Variants in CCDC178 observed in about 807,000 individuals in gnomAD.
CCDC178 encodes coiled-coil domain-containing protein 178.
CCDC178 carries 126 observed loss-of-function variants against 117.4 expected under a neutral mutation model. The ratio of observed to expected loss-of-function variants is 1.07; its 90% confidence interval spans 0.93 to 1.24. The LOEUF is 1.24. Ranked by LOEUF, CCDC178 falls within the 50% of genes most tolerant of loss-of-function variation. The pLI is 0.00. For missense variants in CCDC178, 1,030 were observed against 986.9 expected (o/e 1.04, Z -0.59); for synonymous variants, 283 against 313.4 (o/e 0.90, Z 1.02).
intron 15 of CCDC178, among the ~76,000 whole-genome samples, chr18:33,238,999 C>A (rs547767259): frequency 6.6e-6 from 1 of 151,978 alleles, no homozygotes; most frequent in South Asian, 2.1e-4. Context: ...AAAACCCCTG[C>A]CAGCCAAGAA....
intron 10 of CCDC178, among the ~76,000 whole-genome samples, chr18:33,327,748 T>G (rs1469853363): frequency 6.6e-6 from 1 of 152,136 alleles, no homozygotes; most frequent in Admixed American, 6.5e-5. Context: ...TTGTATGTCT[T>G]TCTGAAGATA....
At chr18:33,105,025 G>C (rs553027208) in intron 20 of CCDC178, among the ~76,000 whole-genome samples, 2 of 151,778 alleles carry the variant, frequency 1.3e-5, no homozygotes, top group South Asian at 4.1e-4. Flanking sequence ...CAGATACGAA[G>C]AGAAGTAGAG....
chr18:33,117,588 G>A (rs1181868450), intron 20 of CCDC178, among the ~76,000 whole-genome samples: 1 of 151,998 alleles, frequency 6.6e-6, no homozygotes, highest in Non-Finnish European at 1.5e-5. Context: ...GGGGAGCGGG[G>A]AGAGGGATAG....
chr18:33,243,795 G>A (rs1057277256), intron 15 of CCDC178, among the ~76,000 whole-genome samples: 1 of 151,792 alleles, frequency 6.6e-6, no homozygotes, highest in Non-Finnish European at 1.5e-5. Flanking sequence ...CAAAGGTTTC[G>A]AGTCAATTAG....
chr18:33,048,920 G>A (rs2056694270), intron 21 of CCDC178, among the ~76,000 whole-genome samples: 1 of 151,976 alleles, frequency 6.6e-6, no homozygotes, highest in African/African-American at 2.4e-5. Flanking sequence ...CTTACAAAAT[G>A]TCTCCCACTC....
chr18:33,245,548 A>G (rs1260846080), intron 14 of CCDC178, 120 bp from the exon 15 acceptor site: 1 of 1,084,290 alleles, frequency 9.2e-7, no homozygotes, highest in East Asian at 3.1e-5. Context: ...TTGCTGGATA[A>G]TTAGCTAAAA....
At chr18:33,156,778 G>A (rs1220825218) in intron 20 of CCDC178, among the ~76,000 whole-genome samples, 1 of 152,064 alleles carries the variant, frequency 6.6e-6, no homozygotes, top group African/African-American at 2.4e-5. Context: ...TTTCCACTAC[G>A]AGAGTTTCTG....
chr18:33,339,943 G>A (rs948540633), intron 9 of CCDC178, among the ~76,000 whole-genome samples: 1 of 152,034 alleles, frequency 6.6e-6, no homozygotes, highest in African/African-American at 2.4e-5. Context: ...TACCAGGAGT[G>A]GGGTGTGCTG....
intron 20 of CCDC178, among the ~76,000 whole-genome samples, chr18:33,152,430 T>C (rs1246674124): frequency 6.6e-6 from 1 of 151,932 alleles, no homozygotes; most frequent in African/African-American, 2.4e-5. Flanking sequence ...CTAGCAAGCA[T>C]GACACAAGCA....
At chr18:33,119,756 T>C (rs1388453906) in intron 20 of CCDC178, among the ~76,000 whole-genome samples, 1 of 152,192 alleles carries the variant, frequency 6.6e-6, no homozygotes, top group African/African-American at 2.4e-5. Flanking sequence ...TGCGGCACTA[T>C]TCACAATAGC....
chr18:33,049,198 C>G (rs530320972), intron 21 of CCDC178, among the ~76,000 whole-genome samples: 23 of 152,016 alleles, frequency 1.5e-4, no homozygotes, highest in African/African-American at 5.5e-4. Flanking sequence ...CAAAAAACCC[C>G]AACATTTAGT....
At chr18:32,957,168 T>C (rs2054613249) in intron 22 of CCDC178, among the ~76,000 whole-genome samples, 1 of 152,192 alleles carries the variant, frequency 6.6e-6, no homozygotes, top group African/African-American at 2.4e-5. Context: ...CTCCTTGTTG[T>C]ACAAAAAGGT....
At chr18:33,368,047 C>G (rs2063239791) in intron 6 of CCDC178, among the ~76,000 whole-genome samples, 1 of 151,770 alleles carries the variant, frequency 6.6e-6, no homozygotes, top group Admixed American at 6.6e-5. Flanking sequence ...AAGTTCTCTC[C>G]AAGGATATAA....
At chr18:33,417,559 CACACAA>C (rs1466740485) in intron 2 of CCDC178, among the ~76,000 whole-genome samples, 1 of 151,782 alleles carries the variant, frequency 6.6e-6, no homozygotes, top group Non-Finnish European at 1.5e-5. Context: ...CACACACACA[CACACAA>C]ATAACTGCAA....
intron 2 of CCDC178, among the ~76,000 whole-genome samples, chr18:33,432,233 T>C (rs1377561668): frequency 2.6e-5 from 4 of 152,138 alleles, no homozygotes; most frequent in Admixed American, 2.6e-4. Flanking sequence ...AATTTGCTGC[T>C]AAACTAGTAG....
intron 15 of CCDC178, 29 bp downstream of exon 15, chr18:33,245,216 T>A: frequency 6.7e-7 from 1 of 1,482,690 alleles, no homozygotes; most frequent in East Asian, 2.4e-5. Context: ...TTTTTCATCA[T>A]GAGTAAGAGG....
intron 14 of CCDC178, among the ~76,000 whole-genome samples, chr18:33,255,640 G>A (rs1040327363): frequency 1.3e-5 from 2 of 151,936 alleles, no homozygotes; most frequent in Non-Finnish European, 2.9e-5. Flanking sequence ...TTAGGGGAGA[G>A]AGTAGATACT....
chr18:33,268,483 G>T (rs1163644208), intron 12 of CCDC178, among the ~76,000 whole-genome samples: 1 of 151,656 alleles, frequency 6.6e-6, no homozygotes, highest in Non-Finnish European at 1.5e-5. Context: ...TGTTTCAGAC[G>T]AATAAAAATC....
At chr18:32,963,431 A>G (rs2054746969) in intron 22 of CCDC178, among the ~76,000 whole-genome samples, 1 of 152,022 alleles carries the variant, frequency 6.6e-6, no homozygotes, top group Non-Finnish European at 1.5e-5. Flanking sequence ...TGTAAAGTTT[A>G]CTGTCTGTAC....
Sources: allele counts gnomAD v4.1 joint callset (sites outside exome capture counted in the v4.1 genomes callset), GRCh38; gene constraint gnomAD v4.1.1; transcripts MANE v1.5; gene names NCBI Gene and HGNC (gene_info 2026-07-23, HGNC 2026-07-21).